The following CLTCL1 variants were observed in gnomAD, a reference collection of about 807,000 sequenced individuals.
The protein encoded by CLTCL1 is clathrin heavy chain 2.
CLTCL1 carries 159 observed loss-of-function variants against 190.0 expected under a neutral mutation model. The observed-to-expected ratio is 0.84, with a 90% CI of 0.74 to 0.95. The LOEUF is 0.95. Ranked by LOEUF, CLTCL1 falls within the 40% of genes least tolerant of loss-of-function variation. The pLI is 0.00. For synonymous variants in CLTCL1, 752 were observed against 769.6 expected (o/e 0.98, Z 0.38); for missense variants, 1,878 against 2,033.4 (o/e 0.92, Z 1.47).
chr22:19,226,515 C>A, intron 11 of CLTCL1, 132 bp from the exon 12 acceptor site: 2 of 959,430 alleles, frequency 2.1e-6, no homozygotes, highest in African/African-American at 1.6e-5. Context: ...CACATCCATA[C>A]CTCTGTGGTG....
chr22:19,230,005 C>A, intron 10 of CLTCL1, 30 bp from the exon 11 acceptor site: 1 of 1,571,196 alleles, frequency 6.4e-7, no homozygotes, highest in Non-Finnish European at 8.6e-7. Context: ...CATTTTCACT[C>A]AGTATGTTTT....
intron 29 of CLTCL1, 99 bp downstream of exon 29, chr22:19,187,459 C>A (rs1165484558): frequency 4.8e-6 from 6 of 1,258,110 alleles, no homozygotes; most frequent in Non-Finnish European, 6.7e-6. Context: ...AAGCTCAGAG[C>A]CAGGTCTCAG....
intron 23 of CLTCL1, among the ~76,000 whole-genome samples, chr22:19,200,578 T>A (rs192823810): frequency 1.2e-4 from 19 of 152,200 alleles, no homozygotes; most frequent in Non-Finnish European, 2.5e-4. Flanking sequence ...CAGTGGCTCA[T>A]GCCTGTAATC....
Position 19,186,296 on chromosome 22 carries a change from A to G in CLTCL1, c.4605+1262T>C, listed in dbSNP as rs529640522. ...GGGAATTGGCTCAGCTGCATCACACAGCACCCACAAGGGCCCTCTTGTACA... is the reference window on the plus strand; with the variant it reads ...GGGAATTGGCTCAGCTGCATCACACGGCACCCACAAGGGCCCTCTTGTACA... On this transcript the variant is annotated intron_variant, in intron 29 of 32. Coordinates refer to ENST00000427926, the MANE Select transcript of CLTCL1 (RefSeq NM_007098.4). Among the ~76,000 whole-genome samples the G allele has an allele frequency of 3.7e-4, 56 of 152,220 alleles. 1 individual carries two copies. Among genetic ancestry groups the G allele is most frequent in the Middle Eastern group, 6.8e-3 (2 of 294 alleles).
chr22:19,186,948 T>C (rs1555928609), intron 29 of CLTCL1, among the ~76,000 whole-genome samples: 1 of 151,392 alleles, frequency 6.6e-6, no homozygotes, highest in African/African-American at 2.4e-5. Context: ...AAATCTTTTT[T>C]TTTTTTTGGA....
chr22:19,247,432 TCAGTAAAGCATATA>T (rs1468740552), intron 3 of CLTCL1, among the ~76,000 whole-genome samples: 3 of 152,266 alleles, frequency 2.0e-5, no homozygotes, highest in Non-Finnish European at 4.4e-5. Context: ...TTTTAGTTTG[TCAGTAAAGCATATA>T]CATGTAACTA....
chr22:19,211,634 G>A (rs782650517), intron 19 of CLTCL1, among the ~76,000 whole-genome samples: 1 of 151,982 alleles, frequency 6.6e-6, no homozygotes, highest in Non-Finnish European at 1.5e-5. Context: ...GGGCGTGGTG[G>A]CAGGCGCCTG....
Position 19,198,752 on chromosome 22 carries a change from A to G in CLTCL1, c.3873+982T>C, listed in dbSNP as rs887752803. On this transcript the variant is annotated intron_variant, in intron 24 of 32. Coordinates refer to ENST00000427926, the MANE Select transcript of CLTCL1 (RefSeq NM_007098.4). This position sits in a 1 kb window ranked among gnomAD's most constrained non-coding sequence, Gnocchi z 4.1. ...TCACCTTCAAACACACTATATAATT[A>G]TTCATTAGGTTTGTTGCTTGCCTGC... Among the ~76,000 whole-genome samples, 2 of 152,190 alleles carry G rather than the reference A, an allele frequency of 1.3e-5. No individual in the cohort carries two copies. Among genetic ancestry groups the G allele is most frequent in the African/African-American group, 2.4e-5 (1 of 41,442 alleles).
chr22:19,283,252 T>C (rs1035351784), intron 1 of CLTCL1, among the ~76,000 whole-genome samples: 2 of 151,906 alleles, frequency 1.3e-5, no homozygotes, highest in Non-Finnish European at 2.9e-5. Context: ...ATAGGTAACC[T>C]AGCTACACAT....
chr22:19,250,908 A>G (rs5746701), intron 3 of CLTCL1, among the ~76,000 whole-genome samples: 19,981 of 152,096 alleles, frequency 0.13, 1,707 homozygotes, highest in African/African-American at 0.23. Flanking sequence ...ATTGGGAAGT[A>G]TAAGTACTCC....
Position 19,210,477 on chromosome 22 carries a change from A to T in CLTCL1, c.3098T>A (p.Ile1033Asn). 6.2e-7 allele frequency: 1 copy of T among 1,613,948 alleles called. No homozygotes were observed. Among genetic ancestry groups the T allele is most frequent in the Non-Finnish European group, 8.5e-7 (1 of 1,179,860 alleles). ...CATGACCCGTGTGCGGTCTGCCTTGATGGCAGTCAGGATCAACAGATTCTG... is the reference window on the plus strand; with the variant it reads ...CATGACCCGTGTGCGGTCTGCCTTGTTGGCAGTCAGGATCAACAGATTCTG... ...NLQNLLILTAIKADRTRVMEY... is the reference protein window; with the variant it reads ...NLQNLLILTANKADRTRVMEY... The change falls in exon 20 of 33, where the codon ATC becomes AAC. Residue 1033 changes from isoleucine to asparagine, a missense_variant. Ile to Asn is a moderately radical substitution (Grantham distance 149). Coordinates refer to ENST00000427926, the MANE Select transcript of CLTCL1 (RefSeq NM_007098.4).
rs782771443 is a variant in CLTCL1 at position 19,234,565 on chromosome 22, G to T, written c.1111C>A (p.Leu371Ile). The T allele has an allele frequency of 6.2e-7, 1 of 1,613,956 alleles. No homozygotes were observed. The highest frequency in any genetic ancestry group is 1.7e-5 in the Admixed American group (1 of 60,012). Residue 371 changes from leucine to isoleucine, a missense_variant, in exon 7 of 33, where the codon CTC (leucine) becomes ATC (isoleucine). Transcript: ENST00000427926. ...TCAGCATAGCTGCCCTGTGCAAAGA[G>T]GGTATTGAATTTTCTCACAAACAAC... Reference protein sequence around the residue: ...EKLFVRKFNTLFAQGSYAEAA... With the variant: ...EKLFVRKFNTIFAQGSYAEAA...
chr22:19,180,622 ACCCATCTATTCCCAT>A (rs2084102122), intron 31 of CLTCL1, 94 bp downstream of exon 31: 2 of 1,055,956 alleles, frequency 1.9e-6, no homozygotes, highest in Non-Finnish European at 2.9e-6. Flanking sequence ...TCCAGCCCCC[ACCCATCTATTCCCAT>A]CCCCATCCAA....
At chr22:19,244,496 A>G (rs2086356931) in intron 3 of CLTCL1, among the ~76,000 whole-genome samples, 1 of 152,220 alleles carries the variant, frequency 6.6e-6, no homozygotes, top group African/African-American at 2.4e-5. Context: ...AAAAATGAGC[A>G]TGGAAAGGTA....
At chr22:19,220,367 G>A (rs1262244019) in intron 17 of CLTCL1, among the ~76,000 whole-genome samples, 1 of 152,158 alleles carries the variant, frequency 6.6e-6, no homozygotes, top group Non-Finnish European at 1.5e-5. Context: ...GAACTAAACT[G>A]GTAATTTTTA....
At chr22:19,232,034 G>C (rs1285370170) in intron 10 of CLTCL1, among the ~76,000 whole-genome samples, 2 of 152,132 alleles carry the variant, frequency 1.3e-5, no homozygotes, top group Non-Finnish European at 2.9e-5. Context: ...ATTTTAAGTA[G>C]GTTACACTAA....
At chr22:19,258,515 G>A (rs782643927) in intron 2 of CLTCL1, 8 of 525,216 alleles carry the variant, frequency 1.5e-5, no homozygotes, top group African/African-American at 5.8e-5. Context: ...GCTATACCAC[G>A]CAGATGGAGC....
At chr22:19,251,360 T>C (rs1014467586) in intron 3 of CLTCL1, among the ~76,000 whole-genome samples, 1 of 152,230 alleles carries the variant, frequency 6.6e-6, no homozygotes, top group Non-Finnish European at 1.5e-5. Context: ...TTAGTTCTAA[T>C]AGTTTTTTAC....
intron 22 of CLTCL1, among the ~76,000 whole-genome samples, chr22:19,204,227 A>G (rs1261865971): frequency 6.6e-6 from 1 of 152,070 alleles, no homozygotes; most frequent in East Asian, 1.9e-4. Flanking sequence ...ACGACCCCTG[A>G]AGTCCTGACC....
Sources: gnomAD v4.1 joint callset for allele counts (sites outside exome capture counted in the v4.1 genomes callset) on GRCh38, gnomAD v4.1.1 for gene constraint, Gnocchi (gnomAD v3.1) non-coding constraint, MANE v1.5 for transcripts, NCBI Gene and HGNC (gene_info 2026-07-23, HGNC 2026-07-21) for gene names.